The following PDE4D variants were observed in gnomAD, a reference collection of about 807,000 sequenced individuals.
The protein encoded by PDE4D is 3',5'-cyclic-AMP phosphodiesterase 4D.
In PDE4D, 24 loss-of-function variants were observed where a neutral mutation model predicts 87.4. The observed-to-expected ratio is 0.27, with a 90% CI of 0.20 to 0.39. The LOEUF (loss-of-function observed/expected upper bound fraction) is 0.39. PDE4D is among the 10% of genes least tolerant of loss of function. The pLI is 1.00. For synonymous variants in PDE4D, 384 were observed against 383.2 expected, an observed-to-expected ratio of 1.00 and a Z score of -0.02; for missense variants, 714 against 1,041.0, an observed-to-expected ratio of 0.69 and a Z score of 4.32.
chr5:60,009,527 C>T (rs74398456), intron 2 of PDE4D, among the ~76,000 whole-genome samples: 1 of 151,724 alleles, frequency 6.6e-6, no homozygotes, highest in Non-Finnish European at 1.5e-5. Flanking sequence ...AACAAGTGAG[C>T]TATATAGAAT....
chr5:60,370,779 G>A (rs78370313), intron 1 of PDE4D, among the ~76,000 whole-genome samples: 6,364 of 151,976 alleles, frequency 0.042, 163 homozygotes, highest in East Asian at 0.11. Context: ...GTGTGTGTGC[G>A]TGCGTGCATG....
chr5:60,407,620 T>C (rs898198969), intron 1 of PDE4D, among the ~76,000 whole-genome samples: 3 of 151,386 alleles, frequency 2.0e-5, no homozygotes, highest in African/African-American at 7.3e-5. Context: ...ACCCAGCTAA[T>C]TTTTGTATTT....
intron 2 of PDE4D, among the ~76,000 whole-genome samples, chr5:60,143,092 C>G (rs904172346): frequency 3.9e-5 from 6 of 152,152 alleles, no homozygotes; most frequent in Non-Finnish European, 8.8e-5. Flanking sequence ...CTCACGGTAG[C>G]TGGGAGTGAA....
chr5:60,405,947 C>A (rs1222760137), intron 1 of PDE4D, among the ~76,000 whole-genome samples: 2 of 152,184 alleles, frequency 1.3e-5, no homozygotes, highest in African/African-American at 4.8e-5. Flanking sequence ...CCCAATTACA[C>A]CCACAGGGGT....
chr5:59,356,930 A>G, intron 1 of PDE4D: 2 of 1,415,516 alleles, frequency 1.4e-6, no homozygotes, highest in Non-Finnish European at 1.8e-6. Flanking sequence ...CCCCGCACGG[A>G]GCAGGAGGCA....
rs138181495 is a variant in PDE4D at position 59,270,857 on chromosome 5, C to T, written c.456-54889G>A. Among the ~76,000 whole-genome samples the T allele has an allele frequency of 2.2e-3, 331 of 152,278 alleles. 2 individuals are homozygous for T. Among genetic ancestry groups the T allele is most frequent in the African/African-American group, 7.4e-3 (309 of 41,578 alleles). ...GTAGACAGACTTGGGTTACCCCAGC[C>T]TATGACCTTGCTCAAGTTATTTCAT... On this transcript the variant is annotated intron_variant, in intron 1 of 14. Transcript: ENST00000340635.
intron 1 of PDE4D, among the ~76,000 whole-genome samples, chr5:60,474,655 C>T (rs374150608): frequency 2.0e-5 from 3 of 152,150 alleles, no homozygotes; most frequent in Admixed American, 6.6e-5. Context: ...CAGGGGAAGT[C>T]GCAGTTCTGG....
chr5:59,365,678 T>C (rs1451241890), intron 1 of PDE4D, among the ~76,000 whole-genome samples: 1 of 152,040 alleles, frequency 6.6e-6, no homozygotes, highest in Non-Finnish European at 1.5e-5. Context: ...TTCAGCCCAG[T>C]GTGGGTCTAA....
chr5:59,227,217 G>A (rs552065160), intron 1 of PDE4D, among the ~76,000 whole-genome samples: 18 of 152,172 alleles, frequency 1.2e-4, no homozygotes, highest in East Asian at 3.9e-4. Flanking sequence ...GAGGAATAGC[G>A]TCTTGTTAAC....
At chr5:59,003,207 T>TA (rs1750895931) in intron 6 of PDE4D, among the ~76,000 whole-genome samples, 1 of 152,184 alleles carries the variant, frequency 6.6e-6, no homozygotes, top group African/African-American at 2.4e-5. Flanking sequence ...CGCAGCCTGT[T>TA]ACTTCAAAGC....
Position 59,728,889 on chromosome 5 carries a change from T to C in PDE4D, c.455+164279A>G, listed in dbSNP as rs559019378. 4.6e-5 allele frequency among the ~76,000 whole-genome samples: 7 copies of C among 152,162 alleles called. No homozygotes were observed. The South Asian group carries it at 1.5e-3, about 32-fold the overall frequency. Reference sequence around the variant, plus strand: ...AAGTACATATGTTATTTCATATAAATGTGAAAAAAATATTTTATGTTTTTA... The same window carrying C: ...AAGTACATATGTTATTTCATATAAACGTGAAAAAAATATTTTATGTTTTTA... On this transcript the variant is annotated intron_variant, in intron 1 of 14. Coordinates refer to ENST00000340635, the MANE Select transcript of PDE4D (RefSeq NM_001104631.2).
At chr5:60,287,963 C>T (rs939958826) in intron 1 of PDE4D, among the ~76,000 whole-genome samples, 10 of 152,176 alleles carry the variant, frequency 6.6e-5, no homozygotes, top group Admixed American at 6.5e-4. Flanking sequence ...GTTGGTTCAA[C>T]AAGAACTTCT....
At chr5:60,294,396 G>A (rs1011906110) in intron 1 of PDE4D, among the ~76,000 whole-genome samples, 3 of 151,862 alleles carry the variant, frequency 2.0e-5, no homozygotes, top group Non-Finnish European at 4.4e-5. Flanking sequence ...ACTCATTTAC[G>A]TATGTCTTTT....
chr5:59,589,551 A>G (rs1206250475), intron 1 of PDE4D, among the ~76,000 whole-genome samples: 1 of 152,196 alleles, frequency 6.6e-6, no homozygotes, highest in African/African-American at 2.4e-5. Flanking sequence ...AAATGCAAAG[A>G]TTTTTTAAAA....
At chr5:59,062,896 T>TA (rs1348863505) in intron 5 of PDE4D, among the ~76,000 whole-genome samples, 3 of 152,032 alleles carry the variant, frequency 2.0e-5, no homozygotes, top group African/African-American at 7.2e-5. Context: ...AAGTGACACT[T>TA]ACTATACTTT....
intron 2 of PDE4D, among the ~76,000 whole-genome samples, chr5:60,078,441 G>A (rs923041952): frequency 5.3e-5 from 8 of 151,628 alleles, no homozygotes; most frequent in African/African-American, 1.2e-4. Flanking sequence ...TAAAAAAAAC[G>A]GGATATATGC....
intron 1 of PDE4D, among the ~76,000 whole-genome samples, chr5:59,591,503 G>T (rs1235912029): frequency 6.6e-6 from 1 of 151,878 alleles, no homozygotes; most frequent in Middle Eastern, 3.2e-3. Flanking sequence ...ATATTTTTTT[G>T]TCATCATTGC....
intron 5 of PDE4D, among the ~76,000 whole-genome samples, chr5:59,175,673 T>C (rs1482019793): frequency 6.6e-6 from 1 of 151,610 alleles, no homozygotes; most frequent in Non-Finnish European, 1.5e-5. Context: ...AGAGACGGGG[T>C]TTCACCATCT....
intron 2 of PDE4D, among the ~76,000 whole-genome samples, chr5:60,022,085 G>T (rs1398428258): frequency 6.6e-6 from 1 of 152,086 alleles, no homozygotes; most frequent in Non-Finnish European, 1.5e-5. Context: ...TGTATTAATG[G>T]CTGCTGTATT....
Sources: gnomAD v4.1 joint callset for allele counts (sites outside exome capture counted in the v4.1 genomes callset) on GRCh38, gnomAD v4.1.1 for gene constraint, MANE v1.5 for transcripts, NCBI Gene and HGNC (gene_info 2026-07-23, HGNC 2026-07-21) for gene names.